Variants in CORO1C observed in about 807,000 individuals in gnomAD.
CORO1C encodes coronin-1C.
CORO1C carries 14 observed loss-of-function variants against 51.2 expected under a neutral mutation model. The ratio of observed to expected loss-of-function variants is 0.27; its 90% CI spans 0.18 to 0.43. The LOEUF is 0.43. Ranked by LOEUF, CORO1C falls within the 20% of genes least tolerant of loss-of-function variation. CORO1C has a pLI of 1.00. For synonymous variants in CORO1C, 181 were observed against 210.5 expected, an observed-to-expected ratio of 0.86 and a Z score of 1.21; for missense variants, 417 against 607.8, an observed-to-expected ratio of 0.69 and a Z score of 3.30.
intron 3 of CORO1C, among the ~76,000 whole-genome samples, chr12:108,677,032 G>C (rs2033932531): frequency 6.6e-6 from 1 of 152,168 alleles, no homozygotes. Context: ...TTGTATTTAT[G>C]TAAAATAATT....
At chr12:108,678,718 T>TAAAAA (rs5800834) in intron 2 of CORO1C, among the ~76,000 whole-genome samples, 3 of 113,708 alleles carry the variant, frequency 2.6e-5, no homozygotes, top group African/African-American at 9.6e-5. Context: ...TTCCATGGCT[T>TAAAAA]AAAAAAAAAA....
intron 1 of CORO1C, among the ~76,000 whole-genome samples, chr12:108,722,048 C>G (rs925711736): frequency 6.6e-6 from 1 of 152,192 alleles, no homozygotes; most frequent in Non-Finnish European, 1.5e-5. Flanking sequence ...AGCCTCCTTA[C>G]GTGGGGTCTG....
rs1421716602 is a variant in CORO1C at position 108,661,985 on chromosome 12, C to A, written c.448+44G>T. The A allele has an allele frequency of 6.8e-6, 11 of 1,611,344 alleles. No individual in the cohort carries two copies. The Admixed American group carries it at 1.8e-4, about 27-fold the overall frequency. Reference sequence around the variant, plus strand: ...TTGCTTCCCCCCACTCAGAGAGCCACAAGAGTGGAAGACAAGGGGAGGACC... The same window carrying A: ...TTGCTTCCCCCCACTCAGAGAGCCAAAAGAGTGGAAGACAAGGGGAGGACC... On this transcript the variant is annotated intron_variant, in intron 4 of 10. Coordinates refer to ENST00000261401, the MANE Select transcript of CORO1C (RefSeq NM_014325.4).
chr12:108,711,160 C>T (rs149942616), intron 1 of CORO1C, among the ~76,000 whole-genome samples: 400 of 151,916 alleles, frequency 2.6e-3, no homozygotes, highest in African/African-American at 8.2e-3. Context: ...TCCAGGAGTT[C>T]GAGACCAGCC....
At chr12:108,672,850 G>A (rs1246967003) in intron 3 of CORO1C, among the ~76,000 whole-genome samples, 2 of 151,918 alleles carry the variant, frequency 1.3e-5, no homozygotes, top group Admixed American at 6.6e-5. Context: ...TAATTGTTTC[G>A]GGGCACTATG....
At chr12:108,676,057 A>G (rs1046716046) in intron 3 of CORO1C, among the ~76,000 whole-genome samples, 1 of 152,264 alleles carries the variant, frequency 6.6e-6, no homozygotes, top group Non-Finnish European at 1.5e-5. Flanking sequence ...ATTAAGACTT[A>G]AAAGACTACA....
At chr12:108,720,735 G>C (rs533169375) in intron 1 of CORO1C, among the ~76,000 whole-genome samples, 1 of 152,196 alleles carries the variant, frequency 6.6e-6, no homozygotes, top group East Asian at 1.9e-4. Context: ...ATGTTAGCCA[G>C]GATGGTCTCG....
chr12:108,654,997 G>A (rs537918688), intron 6 of CORO1C, among the ~76,000 whole-genome samples: 4 of 152,170 alleles, frequency 2.6e-5, no homozygotes, highest in South Asian at 4.2e-4. Flanking sequence ...TGGCCACTGC[G>A]CCTACCCTAT....
intron 3 of CORO1C, among the ~76,000 whole-genome samples, chr12:108,665,564 GTTA>G (rs2033443564): frequency 8.3e-6 from 1 of 120,208 alleles, no homozygotes; most frequent in African/African-American, 4.0e-5. Flanking sequence ...GATACAGACA[GTTA>G]GAGAGTGAGC....
chr12:108,673,737 T>C (rs1217159342), intron 3 of CORO1C, among the ~76,000 whole-genome samples: 1 of 152,094 alleles, frequency 6.6e-6, no homozygotes, highest in Non-Finnish European at 1.5e-5. Context: ...CCTAGGGCCC[T>C]TAAGAATTAT....
rs2034697585 is a variant in CORO1C at position 108,696,671 on chromosome 12, A to G, written c.195+4453T>C. 2.0e-5 allele frequency among the ~76,000 whole-genome samples: 3 copies of G among 152,250 alleles called. No homozygotes were observed. In the South Asian group the frequency reaches 6.2e-4, roughly 32 times the overall value. The stretch of plus-strand genomic sequence containing the variant: ...CCTCATAGCCAAAACCACAAAGCCA[A>G]CTTATGTTCAGCAAGACTGCTATTA... On this transcript the variant is annotated intron_variant, in intron 2 of 10. Coordinates refer to ENST00000261401, the MANE Select transcript of CORO1C (RefSeq NM_014325.4).
chr12:108,658,745 A>C lies in CORO1C; in HGVS notation c.623T>G (p.Ile208Ser). ...VRVIDPRKQE[I>S]VAEKEKAHEG... ...CATCCTAGGAATACTCACAGCAACAATCTCTTGTTTCCTGGGATCAATGAC... is the reference window on the plus strand; with the variant it reads ...CATCCTAGGAATACTCACAGCAACACTCTCTTGTTTCCTGGGATCAATGAC... Residue 208 changes from isoleucine to serine, a missense_variant, in exon 5 of 11, where the codon ATT (isoleucine) becomes AGT (serine). By Grantham distance (142) the Ile-to-Ser change is moderately radical (BLOSUM62 -2). Transcript: ENST00000261401. This position sits in a 1 kb window ranked among gnomAD's most constrained non-coding sequence, Gnocchi z 4.9. The C allele has an allele frequency of 1.9e-6, 3 of 1,607,600 alleles. No homozygotes were observed. Among genetic ancestry groups the C allele is most frequent in the Non-Finnish European group, 1.7e-6 (2 of 1,174,364 alleles).
In CORO1C at chr12:108,662,167, C is replaced by A; in HGVS notation, c.319-9G>T. ...TCTGGGATCTGCCATACCTGTTGGACAAGGAAGAAAGATGATCCACATGAA... is the reference window on the plus strand; with the variant it reads ...TCTGGGATCTGCCATACCTGTTGGAAAAGGAAGAAAGATGATCCACATGAA... On this transcript the variant is annotated splice_polypyrimidine_tract_variant and intron_variant, in intron 3 of 10. Transcript: ENST00000261401. The A allele has an allele frequency of 2.5e-6, 4 of 1,612,614 alleles. No individual in the cohort carries two copies. Among genetic ancestry groups the A allele is most frequent in the Non-Finnish European group, 3.4e-6 (4 of 1,178,920 alleles).
intron 2 of CORO1C, among the ~76,000 whole-genome samples, chr12:108,678,865 T>C (rs1185702710): frequency 6.6e-6 from 1 of 151,718 alleles, no homozygotes; most frequent in Non-Finnish European, 1.5e-5. Flanking sequence ...CTCACGCCTA[T>C]AATCCCAGCA....
At position 108,658,867 on chromosome 12, in the gene CORO1C, T is replaced by C; in HGVS notation, c.501A>G (p.Ile167Met). ...TGTCTGAATGCATATCGTCCAAGTT[T>C]ATAAGGGCTTCCCCTGTTCCCACAT... ...IWNVGTGEAL[I>M]NLDDMHSDMI... Residue 167 changes from isoleucine to methionine, a missense_variant, in exon 5 of 11, where the codon ATA (isoleucine) becomes ATG (methionine). By Grantham distance (10) the Ile-to-Met change is conservative (BLOSUM62 1). Coordinates refer to ENST00000261401, the MANE Select transcript of CORO1C (RefSeq NM_014325.4). The surrounding 1 kb of genome is among the most constrained non-coding windows in gnomAD (Gnocchi z 4.9). 6.2e-7 allele frequency: 1 copy of C among 1,613,838 alleles called. No individual in the cohort carries two copies. Among genetic ancestry groups the C allele is most frequent in the Non-Finnish European group, 8.5e-7 (1 of 1,179,706 alleles).
chr12:108,714,072 G>A (rs1446284194), intron 1 of CORO1C, among the ~76,000 whole-genome samples: 2 of 152,134 alleles, frequency 1.3e-5, no homozygotes, highest in Admixed American at 6.5e-5. Flanking sequence ...TTAGCCAGAG[G>A]ACTATGTGCT....
intron 1 of CORO1C, among the ~76,000 whole-genome samples, chr12:108,706,416 C>T (rs540338245): frequency 3.9e-5 from 6 of 152,126 alleles, no homozygotes; most frequent in African/African-American, 1.4e-4. Context: ...GATTGTAGTA[C>T]AGGTTCTAGC....
At chr12:108,669,290 T>G (rs1335849546) in intron 3 of CORO1C, among the ~76,000 whole-genome samples, 2 of 152,208 alleles carry the variant, frequency 1.3e-5, no homozygotes, top group Non-Finnish European at 2.9e-5. Flanking sequence ...AAATTACTTT[T>G]ATTCTTTTAC....
At chr12:108,694,140 G>A (rs2034589900) in intron 2 of CORO1C, among the ~76,000 whole-genome samples, 1 of 151,876 alleles carries the variant, frequency 6.6e-6, no homozygotes, top group African/African-American at 2.4e-5. Flanking sequence ...AAATTAGCCG[G>A]GCATGATGGT....
Sources: gnomAD v4.1 joint callset for allele counts (sites outside exome capture counted in the v4.1 genomes callset) on GRCh38, gnomAD v4.1.1 for gene constraint, Gnocchi (gnomAD v3.1) non-coding constraint, MANE v1.5 for transcripts, NCBI Gene and HGNC (gene_info 2026-07-23, HGNC 2026-07-21) for gene names.